MEF2C: variants seen among roughly 807,000 people sequenced by gnomAD.
The protein encoded by MEF2C is myocyte enhancer factor 2C, also known as myocyte-specific enhancer factor 2C.
In MEF2C, 6 loss-of-function variants were observed where a neutral mutation model predicts 50.5. The ratio of observed to expected loss-of-function variants is 0.12; its 90% CI spans 0.07 to 0.23. MEF2C has a LOEUF of 0.23. Ranked by LOEUF, MEF2C falls within the 10% of genes least tolerant of loss-of-function variation. The pLI is 1.00. For missense variants in MEF2C, 276 were observed against 605.0 expected, an observed-to-expected ratio of 0.46 and a Z score of 5.70; for synonymous variants, 183 against 228.0, an observed-to-expected ratio of 0.80 and a Z score of 1.78.
chr5:88,849,575 T>C (rs1383133187), intron 1 of MEF2C, among the ~76,000 whole-genome samples: 1 of 152,218 alleles, frequency 6.6e-6, no homozygotes, highest in Non-Finnish European at 1.5e-5. Context: ...ATCACATTCA[T>C]GATTGGCCAT....
At chr5:88,773,329 C>CAT (rs1032367928) in intron 3 of MEF2C, among the ~76,000 whole-genome samples, 2 of 152,186 alleles carry the variant, frequency 1.3e-5, no homozygotes, top group African/African-American at 4.8e-5. Flanking sequence ...ACATACTGTA[C>CAT]ATATACACTG....
chr5:88,852,463 A>G (rs1389532890), intron 1 of MEF2C, among the ~76,000 whole-genome samples: 1 of 152,224 alleles, frequency 6.6e-6, no homozygotes, highest in Non-Finnish European at 1.5e-5. Flanking sequence ...TGTATTAACC[A>G]TCACTTGAAA....
Position 88,721,568 on chromosome 5 carries a change from T to C in MEF2C, c.*1036A>G, listed in dbSNP as rs1195874853. The C allele has an allele frequency of 6.6e-6, 1 of 152,584 alleles. No individual in the cohort carries two copies. The highest frequency in any genetic ancestry group is 1.5e-5 in the Non-Finnish European group (1 of 68,030). 9.5% of individuals were successfully genotyped at this position (152,584 alleles called of 1,614,324 possible). ...CTCCCGCTATTAAGATAACAAAACT[T>C]CTGCTATTACCATAATATTATATAT... On this transcript the variant is annotated 3_prime_UTR_variant, in exon 11 of 11. Transcript: ENST00000504921.
Position 88,720,856 on chromosome 5 carries a change from C to A in MEF2C, c.*1748G>T, listed in dbSNP as rs1048553088. The A allele has an allele frequency of 6.6e-5, 10 of 152,298 alleles. No individual in the cohort carries two copies. The highest frequency in any genetic ancestry group is 1.9e-4 in the East Asian group (1 of 5,178). The allele number at this position is 152,298 out of a possible 1,614,324, so 9.4% of individuals were successfully genotyped here. On this transcript the variant is annotated 3_prime_UTR_variant, in exon 11 of 11. Coordinates refer to ENST00000504921, the MANE Select transcript of MEF2C (RefSeq NM_002397.5). Reference sequence around the variant, plus strand: ...GGATTTCTTGAAATGGCTATTAAATCTCTTTATTGAAGAAAAAATAGATGA... The same window carrying A: ...GGATTTCTTGAAATGGCTATTAAATATCTTTATTGAAGAAAAAATAGATGA...
chr5:88,858,447 C>A (rs1261576963), intron 1 of MEF2C, among the ~76,000 whole-genome samples: 1 of 152,206 alleles, frequency 6.6e-6, no homozygotes, highest in African/African-American at 2.4e-5. Flanking sequence ...GCCTTGGCTG[C>A]ATTTATAGTT....
At chr5:88,853,296 G>A (rs1822070362) in intron 1 of MEF2C, among the ~76,000 whole-genome samples, 1 of 152,194 alleles carries the variant, frequency 6.6e-6, no homozygotes, top group African/African-American at 2.4e-5. Context: ...AGTGTGCAAT[G>A]AGTAGTGAGA....
chr5:88,738,126 A>G (rs1764887515), intron 6 of MEF2C: 1 of 985,194 alleles, frequency 1.0e-6, no homozygotes, highest in Non-Finnish European at 1.2e-6. Flanking sequence ...TCTACTCAAA[A>G]TGTTTCTGTT....
In MEF2C at chr5:88,722,552, GCA is replaced by G. The variant is rs147708034; in HGVS notation, c.*50_*51del. On this transcript the variant is annotated 3_prime_UTR_variant, in exon 11 of 11. Transcript: ENST00000504921. ...GACCCCCCTTCCCCATTAAGGTATA[GCA>G]CACACACACACTGCAAGAAAAAAAA... 318 of 1,435,844 alleles carry G rather than the reference GCA, an allele frequency of 2.2e-4. No individual in the cohort carries two copies. Among genetic ancestry groups the G allele is most frequent in the Non-Finnish European group, 2.6e-4 (276 of 1,052,124 alleles). The allele number at this position is 1,435,844 out of a possible 1,614,324, so 88.9% of individuals were successfully genotyped here.
intron 1 of MEF2C, among the ~76,000 whole-genome samples, chr5:88,895,727 A>G (rs1420148523): frequency 6.6e-6 from 1 of 152,144 alleles, no homozygotes; most frequent in East Asian, 1.9e-4. Context: ...AATCAGTAAT[A>G]GCTCTTTCAC....
At chr5:88,796,530 T>C (rs1796106609) in intron 3 of MEF2C, among the ~76,000 whole-genome samples, 1 of 152,158 alleles carries the variant, frequency 6.6e-6, no homozygotes, top group Non-Finnish European at 1.5e-5. Flanking sequence ...TCTCTCTTCT[T>C]TTTTATTAAG....
At chr5:88,871,646 G>C (rs1174837221) in intron 1 of MEF2C, among the ~76,000 whole-genome samples, 2 of 151,884 alleles carry the variant, frequency 1.3e-5, no homozygotes, top group Non-Finnish European at 1.5e-5. Flanking sequence ...GATTTTTTTT[G>C]AGAAACCATG....
chr5:88,720,970 G>A lies in MEF2C; in HGVS notation c.*1634C>T, dbSNP rs1442378326. ...CTATATTGCTGACAAGATTGTCAAG[G>A]GTCAGTTAAAATAATTAAAAACGGA... On this transcript the variant is annotated 3_prime_UTR_variant, in exon 11 of 11. Transcript: ENST00000504921. 3 of 152,436 alleles carry A rather than the reference G, an allele frequency of 2.0e-5. No homozygotes were observed. Among genetic ancestry groups the A allele is most frequent in the African/African-American group, 4.8e-5 (2 of 41,386 alleles). The allele number at this position is 152,436 out of a possible 1,614,324, so 9.4% of individuals were successfully genotyped here.
chr5:88,769,921 TG>T, intron 3 of MEF2C: 3 of 974,586 alleles, frequency 3.1e-6, no homozygotes, highest in Non-Finnish European at 3.7e-6. Flanking sequence ...GCTAGGATTA[TG>T]GGCATGGGCC....
intron 1 of MEF2C, among the ~76,000 whole-genome samples, chr5:88,857,024 A>C (rs570330052): frequency 6.6e-6 from 1 of 152,314 alleles, no homozygotes; most frequent in East Asian, 1.9e-4. Flanking sequence ...ACAGACACTC[A>C]ATGCCAGCCT....
chr5:88,787,775 G>A (rs1258556252), intron 3 of MEF2C, among the ~76,000 whole-genome samples: 1 of 152,150 alleles, frequency 6.6e-6, no homozygotes, highest in Non-Finnish European at 1.5e-5. Flanking sequence ...AAAATCAGAA[G>A]AAACCGTGTG....
At chr5:88,878,819 G>C (rs1831919778) in intron 1 of MEF2C, among the ~76,000 whole-genome samples, 1 of 151,840 alleles carries the variant, frequency 6.6e-6, no homozygotes, top group Admixed American at 6.6e-5. Flanking sequence ...CAATTTATCA[G>C]GCATTTCAGA....
intron 1 of MEF2C, chr5:88,888,852 G>A (rs1249462476): frequency 2.6e-5 from 4 of 151,782 alleles, no homozygotes; most frequent in Non-Finnish European, 1.5e-5. Context: ...ATAACCACAT[G>A]CATGAATAAA....
chr5:88,895,085 A>G (rs1834978212), intron 1 of MEF2C, among the ~76,000 whole-genome samples: 1 of 152,200 alleles, frequency 6.6e-6, no homozygotes, highest in Admixed American at 6.5e-5. Context: ...AATGTTAGCT[A>G]TTATATACCA....
upstream of MEF2C, chr5:88,888,181 C>A (rs1834188820): frequency 1.3e-5 from 2 of 152,196 alleles, no homozygotes; most frequent in Admixed American, 6.5e-5. Flanking sequence ...TTTTTCCAAG[C>A]AGTGTTTAAC....
Sources: allele counts gnomAD v4.1 joint callset (sites outside exome capture counted in the v4.1 genomes callset), GRCh38; gene constraint gnomAD v4.1.1; transcripts MANE v1.5; gene names NCBI Gene and HGNC (gene_info 2026-07-23, HGNC 2026-07-21).